The following CPQ variants were observed in gnomAD, a reference collection of about 807,000 sequenced individuals.
CPQ encodes carboxypeptidase Q, also known as Ser-Met dipeptidase.
A neutral mutation model predicts 45.7 loss-of-function variants in CPQ; 37 were observed. The ratio of observed to expected loss-of-function variants is 0.81; its 90% CI spans 0.62 to 1.07. The LOEUF is 1.07. Among genes scored for constraint, CPQ ranks in the 50% least tolerant of loss-of-function variants. The pLI is 0.00. For synonymous variants in CPQ, 186 were observed against 205.8 expected, an observed-to-expected ratio of 0.90 and a Z score of 0.82; for missense variants, 537 against 572.9, an observed-to-expected ratio of 0.94 and a Z score of 0.64.
chr8:96,990,232 C>G (rs1033693734), intron 5 of CPQ, among the ~76,000 whole-genome samples: 11 of 152,164 alleles, frequency 7.2e-5, no homozygotes, highest in African/African-American at 2.4e-4. Context: ...TCCCTAGACC[C>G]CTTCAGGTCT....
At chr8:97,036,490 C>A (rs1810009202) in intron 6 of CPQ, among the ~76,000 whole-genome samples, 1 of 152,172 alleles carries the variant, frequency 6.6e-6, no homozygotes, top group African/African-American at 2.4e-5. Flanking sequence ...TGGAATTTGA[C>A]TTTGAAATTT....
intron 1 of CPQ, among the ~76,000 whole-genome samples, chr8:96,751,139 TG>T (rs1424069499): frequency 6.6e-6 from 1 of 152,258 alleles, no homozygotes; most frequent in East Asian, 1.9e-4. Context: ...TATATTCCTT[TG>T]GTTATATACC....
At chr8:96,878,995 G>A (rs1261615584) in intron 3 of CPQ, among the ~76,000 whole-genome samples, 1 of 152,142 alleles carries the variant, frequency 6.6e-6, no homozygotes, top group East Asian at 1.9e-4. Flanking sequence ...GGGGTGAAAA[G>A]GAACAGTTTG....
chr8:96,723,908 G>C (rs1223561995), intron 1 of CPQ, among the ~76,000 whole-genome samples: 1 of 151,788 alleles, frequency 6.6e-6, no homozygotes, highest in Non-Finnish European at 1.5e-5. Context: ...GATTCCGAAG[G>C]GCATTTTCAG....
chr8:96,943,215 G>A (rs992584853), intron 4 of CPQ, among the ~76,000 whole-genome samples: 1 of 152,132 alleles, frequency 6.6e-6, no homozygotes, highest in Admixed American at 6.5e-5. Flanking sequence ...AAAGCTGAAT[G>A]ACCTGTAAGT....
chr8:97,023,428 A>C (rs1448687967), intron 5 of CPQ, among the ~76,000 whole-genome samples: 1 of 152,174 alleles, frequency 6.6e-6, no homozygotes, highest in Non-Finnish European at 1.5e-5. Flanking sequence ...CCACCAAAGA[A>C]CTTACTCATG....
chr8:97,126,409 T>G (rs1811848447), intron 7 of CPQ, among the ~76,000 whole-genome samples: 1 of 152,218 alleles, frequency 6.6e-6, no homozygotes, highest in African/African-American at 2.4e-5. Flanking sequence ...TTATCAGGCA[T>G]GCAAGCATGA....
chr8:96,679,987 G>A (rs1554613657), intron 1 of CPQ, among the ~76,000 whole-genome samples: 1 of 151,792 alleles, frequency 6.6e-6, no homozygotes, highest in Non-Finnish European at 1.5e-5. Flanking sequence ...TGCTTTTCTA[G>A]TTCCCTGAAA....
chr8:96,970,741 T>A (rs985989637), intron 5 of CPQ, among the ~76,000 whole-genome samples: 129 of 152,260 alleles, frequency 8.5e-4, no homozygotes, highest in Middle Eastern at 3.4e-3. Context: ...TTTTTTGTAT[T>A]TTTAGTAGAG....
At chr8:96,681,927 C>T (rs528925855) in intron 1 of CPQ, among the ~76,000 whole-genome samples, 2 of 152,258 alleles carry the variant, frequency 1.3e-5, no homozygotes, top group South Asian at 4.1e-4. Flanking sequence ...TTGTTTTGGC[C>T]AATGTCTCCC....
chr8:96,720,630 G>A (rs1809749819), intron 1 of CPQ, among the ~76,000 whole-genome samples: 1 of 152,018 alleles, frequency 6.6e-6, no homozygotes. Flanking sequence ...TGTATTCATA[G>A]GGCAGTGTTT....
At chr8:96,892,394 G>C (rs1812389144) in intron 4 of CPQ, among the ~76,000 whole-genome samples, 1 of 152,150 alleles carries the variant, frequency 6.6e-6, no homozygotes, top group Non-Finnish European at 1.5e-5. Flanking sequence ...TATTCTGCCT[G>C]GGTGGGAGCC....
Position 97,106,739 on chromosome 8 carries a change from G to T in CPQ, c.1256-36281G>T, listed in dbSNP as rs572959351. The stretch of plus-strand genomic sequence containing the variant: ...GCCTTGGGCCAGATGGATCGCAAGT[G>T]AGTGAGCATAGAGAAGAGAAGAGCC... On this transcript the variant is annotated intron_variant, in intron 7 of 7. Coordinates refer to ENST00000220763, the MANE Select transcript of CPQ (RefSeq NM_016134.4). Among the ~76,000 whole-genome samples the T allele has an allele frequency of 3.9e-5, 6 of 152,240 alleles. No homozygotes were observed. The South Asian group carries it at 1.2e-3, about 32-fold the overall frequency.
At position 97,081,098 on chromosome 8, in the gene CPQ, AT is replaced by A. The variant is rs201818785; in HGVS notation, c.1255+14889del. Among the ~76,000 whole-genome samples, 591 of 152,334 alleles carry A rather than the reference AT, an allele frequency of 3.9e-3. 14 individuals carry two copies. The highest frequency in any genetic ancestry group is 0.037 in the Admixed American group (564 of 15,282). ...AAAAATGTTTGCTGGATACATCTTT[AT>A]AAAATCTACATTTTTACAGAAATAG... On this transcript the variant is annotated intron_variant, in intron 7 of 7. Transcript: ENST00000220763.
chr8:96,845,199 TCTC>T (rs1811667844), intron 3 of CPQ, among the ~76,000 whole-genome samples: 1 of 152,100 alleles, frequency 6.6e-6, no homozygotes, highest in South Asian at 2.1e-4. Flanking sequence ...TCACACATAA[TCTC>T]CTCTGTATGC....
intron 3 of CPQ, among the ~76,000 whole-genome samples, chr8:96,879,383 A>G (rs1487812978): frequency 6.6e-6 from 1 of 152,172 alleles, no homozygotes; most frequent in Non-Finnish European, 1.5e-5. Flanking sequence ...GGCAGTAACC[A>G]CAGAACTACA....
intron 1 of CPQ, among the ~76,000 whole-genome samples, chr8:96,716,299 A>G (rs1809672060): frequency 6.6e-6 from 1 of 152,188 alleles, no homozygotes; most frequent in African/African-American, 2.4e-5. Context: ...GAGCAAATAT[A>G]CAGATTTATT....
intron 4 of CPQ, among the ~76,000 whole-genome samples, chr8:96,893,188 G>A (rs1167631596): frequency 6.6e-6 from 1 of 152,122 alleles, no homozygotes; most frequent in East Asian, 1.9e-4. Context: ...TCATTATCCT[G>A]TACTTCTTAG....
intron 3 of CPQ, among the ~76,000 whole-genome samples, chr8:96,856,950 G>A (rs1811859714): frequency 6.6e-6 from 1 of 152,206 alleles, no homozygotes; most frequent in Admixed American, 6.5e-5. Flanking sequence ...TGTCAAGCCT[G>A]GAAGCCATGC....
Sources: allele counts gnomAD v4.1 joint callset (sites outside exome capture counted in the v4.1 genomes callset), GRCh38; gene constraint gnomAD v4.1.1; transcripts MANE v1.5; gene names NCBI Gene and HGNC (gene_info 2026-07-23, HGNC 2026-07-21).